PNPLA4: variants seen among roughly 807,000 people sequenced by gnomAD.
The protein encoded by PNPLA4 is patatin-like phospholipase domain-containing protein 4.
Under a neutral mutation model 18.3 loss-of-function variants are expected in PNPLA4, and 15 were observed. That is an observed-to-expected ratio of 0.82 (90% confidence interval 0.55 to 1.26). PNPLA4 has a LOEUF of 1.26. PNPLA4 is among the 50% of genes most tolerant of loss of function. PNPLA4 has a pLI of 0.00. For synonymous variants in PNPLA4, 88 were observed against 85.6 expected, an observed-to-expected ratio of 1.03 and a Z score of -0.16; for missense variants, 229 against 196.8, an observed-to-expected ratio of 1.16 and a Z score of -0.98.
intron 5 of PNPLA4, among the ~76,000 whole-genome samples, chrX:7,903,231 T>C (rs1053172568): frequency 1.8e-5 from 2 of 111,518 alleles, no homozygotes; most frequent in Non-Finnish European, 1.9e-5. Flanking sequence ...CTTAAAACCA[T>C]GCATTTATTT....
At chrX:7,906,859 T>C (rs1174034494) in intron 5 of PNPLA4, among the ~76,000 whole-genome samples, 1 of 112,333 alleles carries the variant, frequency 8.9e-6, no homozygotes, top group East Asian at 2.8e-4. Flanking sequence ...CATATCCGCA[T>C]GGACTAGGGT....
At chrX:7,916,399 G>A (rs903546049) in intron 4 of PNPLA4, among the ~76,000 whole-genome samples, 4 of 111,334 alleles carry the variant, frequency 3.6e-5, no homozygotes, top group African/African-American at 9.8e-5. Flanking sequence ...GGGATACTGT[G>A]TAGAGCGGCA....
Position 7,926,065 on chromosome X carries a change from A to G in PNPLA4, c.55T>C (p.Leu19=). 8.3e-7 allele frequency: 1 copy of G among 1,211,385 alleles called. No individual in the cohort carries two copies. Among genetic ancestry groups the G allele is most frequent in the Non-Finnish European group, 1.1e-6 (1 of 894,964 alleles). Reference sequence around the variant, plus strand: ...CTGCAAAGTGCAGATGCTGCCCCCAAGTGGTAAATGCCCAGAAATCCACAC... The same window carrying G: ...CTGCAAAGTGCAGATGCTGCCCCCAGGTGGTAAATGCCCAGAAATCCACAC... ...AACGFLGIYH[L]GAASALCRHG... Residue 19 remains leucine (L), a synonymous_variant, in exon 2 of 7, where the codon TTG becomes CTG. Transcript: ENST00000381042.
At chrX:7,927,550 G>T (rs1246398279), upstream of PNPLA4, 1 of 113,562 alleles carries the variant, frequency 8.8e-6, no homozygotes, top group African/African-American at 3.2e-5. Flanking sequence ...GTCCTCCAGC[G>T]CAGGCAAGGA....
chrX:7,911,565 C>T (rs892832341), intron 5 of PNPLA4, among the ~76,000 whole-genome samples: 4 of 111,151 alleles, frequency 3.6e-5, no homozygotes, highest in African/African-American at 6.5e-5. Flanking sequence ...CAGTGATCAA[C>T]GTGTCTGGGT....
At position 7,909,768 on chromosome X, in the gene PNPLA4, A is replaced by C. The variant is rs148990476; in HGVS notation, c.477+2260T>G. On this transcript the variant is annotated intron_variant, in intron 5 of 6. Coordinates refer to ENST00000381042, the MANE Select transcript of PNPLA4 (RefSeq NM_004650.3). ...AAGTTCTGGGCAACAGGAAAAATGG[A>C]AAGATATACAACTTTCCTTGTACTG... Among the ~76,000 whole-genome samples the C allele has an allele frequency of 2.2e-4, 24 of 110,574 alleles. No homozygotes were observed. The East Asian group carries it at 6.3e-3, about 29-fold the overall frequency.
chrX:7,905,776 G>A (rs149567214), intron 5 of PNPLA4, among the ~76,000 whole-genome samples: 5 of 111,759 alleles, frequency 4.5e-5, no homozygotes, highest in Non-Finnish European at 5.6e-5. Flanking sequence ...TATAGTTCAC[G>A]GGGTGGTAAA....
At chrX:7,913,968 CT>C (rs1417994881) in intron 4 of PNPLA4, among the ~76,000 whole-genome samples, 1 of 112,357 alleles carries the variant, frequency 8.9e-6, no homozygotes, top group Non-Finnish European at 1.9e-5. Context: ...CACAATGGGT[CT>C]TTTTTTCATC....
rs750091382 is a variant in PNPLA4, at chrX:7,899,683, G to C, written c.*1003C>G. On this transcript the variant is annotated 3_prime_UTR_variant, in exon 7 of 7. Transcript: ENST00000381042. ...AGAGAGAGAGAGAGAGAGAGAGAAT[G>C]AATGACAACCAGCTTGATAATCTCC... The C allele has an allele frequency of 1.9e-4, 19 of 101,826 alleles. No individual in the cohort carries two copies. The Admixed American group carries it at 1.9e-3, about 10-fold the overall frequency. 8.4% of individuals were successfully genotyped at this position (101,826 alleles called of 1,213,427 possible).
At chrX:7,904,207 A>G (rs1334816805) in intron 5 of PNPLA4, among the ~76,000 whole-genome samples, 5 of 112,558 alleles carry the variant, frequency 4.4e-5, no homozygotes, top group Non-Finnish European at 9.4e-5. Flanking sequence ...GAAAAATTAA[A>G]GATATGCAAC....
At chrX:7,925,355 T>C (rs1195499949) in intron 2 of PNPLA4, among the ~76,000 whole-genome samples, 2 of 112,608 alleles carry the variant, frequency 1.8e-5, no homozygotes, top group Non-Finnish European at 3.7e-5. Context: ...AAATGATTGA[T>C]CACTGTCTGG....
chrX:7,910,319 G>A (rs774551336), intron 5 of PNPLA4, among the ~76,000 whole-genome samples: 25 of 111,095 alleles, frequency 2.3e-4, no homozygotes, highest in African/African-American at 8.2e-4. Context: ...ACACTGCCTC[G>A]ATCCTATTAG....
intron 2 of PNPLA4, among the ~76,000 whole-genome samples, chrX:7,924,091 A>G (rs771498382): frequency 8.9e-6 from 1 of 112,040 alleles, no homozygotes; most frequent in East Asian, 2.8e-4. Flanking sequence ...AACTTATTAA[A>G]GATGGACTTA....
chrX:7,916,593 G>A (rs1200700587), intron 4 of PNPLA4, among the ~76,000 whole-genome samples: 1 of 111,544 alleles, frequency 9.0e-6, no homozygotes, highest in Non-Finnish European at 1.9e-5. Context: ...TAAAGATGAA[G>A]AAACCAAGGC....
In PNPLA4 at chrX:7,912,023, C is replaced by A; in HGVS notation, c.477+5G>T. The A allele has an allele frequency of 8.5e-7, 1 of 1,183,262 alleles. No homozygotes were observed. The highest frequency in any genetic ancestry group is 1.1e-6 in the Non-Finnish European group (1 of 870,929). On this transcript the variant is annotated splice_donor_5th_base_variant and intron_variant, in intron 5 of 6. Coordinates refer to ENST00000381042, the MANE Select transcript of PNPLA4 (RefSeq NM_004650.3). ...AGGGTAATTCCTCAGTTATAACAAGCTTACCTGCCCTTTGTATTCCACTAG... is the reference window on the plus strand; with the variant it reads ...AGGGTAATTCCTCAGTTATAACAAGATTACCTGCCCTTTGTATTCCACTAG...
chrX:7,908,813 T>C (rs771588496), intron 5 of PNPLA4, among the ~76,000 whole-genome samples: 3 of 112,060 alleles, frequency 2.7e-5, no homozygotes, highest in Non-Finnish European at 5.6e-5. Context: ...TCCTGGGACA[T>C]TGTCCAGGGT....
intron 5 of PNPLA4, among the ~76,000 whole-genome samples, chrX:7,910,886 TA>T (rs1401272920): frequency 1.6e-4 from 18 of 110,673 alleles, no homozygotes; most frequent in African/African-American, 5.9e-4. Flanking sequence ...TATTTAATTA[TA>T]AAATATATAT....
Position 7,924,957 on chromosome X carries a change from G to A in PNPLA4, c.180+983C>T, listed in dbSNP as rs191972743. Among the ~76,000 whole-genome samples the A allele has an allele frequency of 3.2e-3, 356 of 111,955 alleles. 2 individuals are homozygous for A. Among genetic ancestry groups the A allele is most frequent in the African/African-American group, 0.011 (348 of 30,804 alleles). ...GGAAGGAGGTAGCTTGTAATTCAAA[G>A]CTTATGAATCTGCTAGTTTAGGGGG... On this transcript the variant is annotated intron_variant, in intron 2 of 6. Transcript: ENST00000381042.
At chrX:7,919,179 C>T (rs780328965) in intron 4 of PNPLA4, among the ~76,000 whole-genome samples, 1 of 112,691 alleles carries the variant, frequency 8.9e-6, no homozygotes, top group African/African-American at 3.2e-5. Flanking sequence ...ACTAGAAAAA[C>T]GTCATGTTTT....
Sources: allele counts gnomAD v4.1 joint callset (sites outside exome capture counted in the v4.1 genomes callset), GRCh38; gene constraint gnomAD v4.1.1; transcripts MANE v1.5; gene names NCBI Gene and HGNC (gene_info 2026-07-23, HGNC 2026-07-21).